The following PPARGC1A variants were observed in gnomAD, a reference collection of about 807,000 sequenced individuals.
PPARGC1A encodes the protein PPARG coactivator 1 alpha, also known as peroxisome proliferator-activated receptor gamma coactivator 1-alpha.
A neutral mutation model predicts 88.7 loss-of-function variants in PPARGC1A; 25 were observed. The ratio of observed to expected loss-of-function variants is 0.28; its 90% confidence interval spans 0.21 to 0.39. PPARGC1A has a LOEUF of 0.39. PPARGC1A is among the 10% of genes least tolerant of loss of function. The pLI is 1.00. For missense variants in PPARGC1A, 880 were observed against 968.7 expected (o/e 0.91, Z 1.22); for synonymous variants, 363 against 355.6 (o/e 1.02, Z -0.24).
the PPARGC1A span, among the ~76,000 whole-genome samples, chr4:24,171,286 C>T: frequency 1.3e-5 from 2 of 151,960 alleles, no homozygotes; most frequent in South Asian, 2.1e-4. Flanking sequence ...CGTACCTGTA[C>T]TCCCAGCTAC....
chr4:24,260,567 G>A, the PPARGC1A span, among the ~76,000 whole-genome samples: 1 of 152,190 alleles, frequency 6.6e-6, no homozygotes. Context: ...GGATCCAAGA[G>A]CTGATATGAG....
the PPARGC1A span, among the ~76,000 whole-genome samples, chr4:24,029,499 G>T: frequency 6.6e-6 from 1 of 152,120 alleles, no homozygotes; most frequent in Non-Finnish European, 1.5e-5. Flanking sequence ...TATGTAACTG[G>T]CTCTGTGATT....
At chr4:24,400,415 T>C in the PPARGC1A span, among the ~76,000 whole-genome samples, 34 of 152,308 alleles carry the variant, frequency 2.2e-4, no homozygotes, top group East Asian at 2.9e-3. Flanking sequence ...CTCTCAAACA[T>C]TGGACTCCAG....
the PPARGC1A span, among the ~76,000 whole-genome samples, chr4:24,197,077 G>C: frequency 6.6e-6 from 1 of 152,182 alleles, no homozygotes; most frequent in African/African-American, 2.4e-5. Context: ...TTGCCAGTTA[G>C]AAATAGATTG....
intron 2 of PPARGC1A, among the ~76,000 whole-genome samples, chr4:23,863,673 A>G (rs1731644551): frequency 6.6e-6 from 1 of 152,198 alleles, no homozygotes; most frequent in South Asian, 2.1e-4. Context: ...TAATGAGATG[A>G]AAGCCGACGT....
At chr4:24,377,191 G>A in the PPARGC1A span, among the ~76,000 whole-genome samples, 1 of 151,838 alleles carries the variant, frequency 6.6e-6, no homozygotes, top group Non-Finnish European at 1.5e-5. Context: ...AAGCCAAGGG[G>A]AAAAAAAGAA....
At chr4:24,073,251 C>G in the PPARGC1A span, among the ~76,000 whole-genome samples, 1 of 151,958 alleles carries the variant, frequency 6.6e-6, no homozygotes, top group Non-Finnish European at 1.5e-5. Flanking sequence ...CCCATGTTGA[C>G]CAGGATGGTC....
the PPARGC1A span, among the ~76,000 whole-genome samples, chr4:24,043,665 A>G: frequency 3.3e-5 from 5 of 152,144 alleles, no homozygotes; most frequent in Admixed American, 3.3e-4. Flanking sequence ...ATCTGGTAAT[A>G]GTTTATCTAT....
At chr4:23,972,903 GGACCATCTCA>G in the PPARGC1A span, among the ~76,000 whole-genome samples, 1 of 152,094 alleles carries the variant, frequency 6.6e-6, no homozygotes, top group African/African-American at 2.4e-5. Flanking sequence ...CTTCTCAGAG[GGACCATCTCA>G]GACTTCGACC....
chr4:23,983,248 A>G, the PPARGC1A span, among the ~76,000 whole-genome samples: 1 of 152,186 alleles, frequency 6.6e-6, no homozygotes, highest in Non-Finnish European at 1.5e-5. Context: ...GCATCACAGA[A>G]ATAAATACTC....
chr4:23,880,893 G>A (rs775315509), intron 2 of PPARGC1A: 4 of 152,124 alleles, frequency 2.6e-5, no homozygotes, highest in Non-Finnish European at 5.9e-5. Flanking sequence ...ATTCTCACTT[G>A]CCATCATTCT....
At chr4:24,279,070 C>T in the PPARGC1A span, among the ~76,000 whole-genome samples, 2 of 152,206 alleles carry the variant, frequency 1.3e-5, no homozygotes, top group Non-Finnish European at 2.9e-5. Context: ...TTCAGTGGGC[C>T]AGCAAAATTT....
At chr4:23,950,049 T>C in the PPARGC1A span, among the ~76,000 whole-genome samples, 1 of 152,172 alleles carries the variant, frequency 6.6e-6, no homozygotes, top group African/African-American at 2.4e-5. Flanking sequence ...TATAAAGCAC[T>C]TGGGCACTTA....
the PPARGC1A span, among the ~76,000 whole-genome samples, chr4:24,166,128 G>A: frequency 8.8e-3 from 1,343 of 152,300 alleles, 14 homozygotes; most frequent in African/African-American, 0.03. Flanking sequence ...GAGAAAGTTT[G>A]AGTGGCCTAG....
At chr4:23,978,011 C>A in the PPARGC1A span, among the ~76,000 whole-genome samples, 2 of 152,136 alleles carry the variant, frequency 1.3e-5, no homozygotes, top group African/African-American at 2.4e-5. Flanking sequence ...CAAAATGACA[C>A]TATTTTCAGT....
the PPARGC1A span, among the ~76,000 whole-genome samples, chr4:24,122,420 T>TGTGTGTGC: frequency 9.3e-6 from 1 of 107,934 alleles, no homozygotes; most frequent in African/African-American, 3.3e-5. Flanking sequence ...TGTGTGCATA[T>TGTGTGTGC]ATATATATAT....
At chr4:23,997,027 A>T in the PPARGC1A span, among the ~76,000 whole-genome samples, 1 of 152,168 alleles carries the variant, frequency 6.6e-6, no homozygotes, top group South Asian at 2.1e-4. Flanking sequence ...TCAATTAGTG[A>T]TGTCTGCTCT....
At chr4:23,839,169 T>C (rs912195983) in intron 2 of PPARGC1A, among the ~76,000 whole-genome samples, 1 of 152,186 alleles carries the variant, frequency 6.6e-6, no homozygotes, top group African/African-American at 2.4e-5. Context: ...ATTGATTTGC[T>C]TCTATCACAC....
At chr4:24,437,158 C>T in the PPARGC1A span, among the ~76,000 whole-genome samples, 21 of 152,290 alleles carry the variant, frequency 1.4e-4, no homozygotes, top group South Asian at 2.3e-3. Context: ...GATTGGGATA[C>T]GATCTTTGAA....
Sources: allele counts gnomAD v4.1 joint callset (sites outside exome capture counted in the v4.1 genomes callset), GRCh38; gene constraint gnomAD v4.1.1; transcripts MANE v1.5; gene names NCBI Gene and HGNC (gene_info 2026-07-23, HGNC 2026-07-21).